DCLK1: variants seen among roughly 807,000 people sequenced by gnomAD.
DCLK1 encodes serine/threonine-protein kinase DCLK1.
Under a neutral mutation model 86.2 loss-of-function variants are expected in DCLK1, and 16 were observed. The observed-to-expected ratio is 0.19, with a 90% confidence interval of 0.13 to 0.28. The LOEUF is 0.28. Ranked by LOEUF, DCLK1 falls within the 10% of genes least tolerant of loss-of-function variation. The probability of loss-of-function intolerance (pLI) is 1.00; values close to 1 mark genes in which losing one functional copy is unlikely to be tolerated. For missense variants in DCLK1, 590 were observed against 940.2 expected, an observed-to-expected ratio of 0.63 and a Z score of 4.87; for synonymous variants, 369 against 370.5, an observed-to-expected ratio of 1.00 and a Z score of 0.05.
intron 3 of DCLK1, 124 bp from the exon 4 acceptor site, chr13:35,947,581 A>T: frequency 1.6e-6 from 1 of 625,008 alleles, no homozygotes; most frequent in Non-Finnish European, 2.6e-6. Context: ...GGCAGCTTCC[A>T]CAGAGGAATT....
intron 2 of DCLK1, among the ~76,000 whole-genome samples, chr13:36,124,586 G>T (rs73165334): frequency 6.6e-6 from 1 of 152,084 alleles, no homozygotes; most frequent in Non-Finnish European, 1.5e-5. Flanking sequence ...GTCAGTGTGC[G>T]GTCAGGGGAG....
intron 16 of DCLK1, among the ~76,000 whole-genome samples, chr13:35,785,035 C>T (rs2153098334): frequency 6.6e-6 from 1 of 152,324 alleles, no homozygotes; most frequent in African/African-American, 2.4e-5. Context: ...GTGCTTGAAT[C>T]CAATATGCAC....
chr13:35,855,786 G>C, intron 5 of DCLK1: 1 of 1,270,726 alleles, frequency 7.9e-7, no homozygotes. Flanking sequence ...CTTGCCAACA[G>C]CAACCCCCAT....
chr13:36,120,881 G>C (rs1012456459), intron 2 of DCLK1, among the ~76,000 whole-genome samples: 2 of 152,172 alleles, frequency 1.3e-5, no homozygotes, highest in African/African-American at 4.8e-5. Context: ...GTTGAGGATA[G>C]AGAAACGGCC....
At chr13:35,962,100 G>A (rs551248936) in intron 3 of DCLK1, among the ~76,000 whole-genome samples, 9 of 152,154 alleles carry the variant, frequency 5.9e-5, no homozygotes, top group South Asian at 2.1e-4. Context: ...ACTCTACAGC[G>A]AACAAAATAG....
At chr13:35,824,026 G>A (rs1809332743) in intron 10 of DCLK1, among the ~76,000 whole-genome samples, 1 of 152,088 alleles carries the variant, frequency 6.6e-6, no homozygotes, top group Non-Finnish European at 1.5e-5. Context: ...CAGGTTTTCA[G>A]GTTGTCTCTG....
intron 3 of DCLK1, among the ~76,000 whole-genome samples, chr13:35,982,102 A>T (rs1879671762): frequency 6.6e-6 from 1 of 152,184 alleles, no homozygotes; most frequent in Non-Finnish European, 1.5e-5. Flanking sequence ...CCTGATGGTT[A>T]TAGAAATGCA....
chr13:35,848,953 C>T (rs1870406180), intron 6 of DCLK1: 1 of 985,308 alleles, frequency 1.0e-6, no homozygotes, highest in African/African-American at 1.7e-5. Flanking sequence ...AGTCTCTGGT[C>T]ATTTCTATTG....
At position 36,112,095 on chromosome 13, in the gene DCLK1, A is replaced by G. The variant is rs753288236; in HGVS notation, c.497T>C (p.Leu166Pro). 11 of 1,614,180 alleles carry G rather than the reference A, an allele frequency of 6.8e-6. No homozygotes were observed. The South Asian group carries it at 9.9e-5, about 14-fold the overall frequency. ...TGAAGGGCTTCCTTTGGCAGTGGCCAGTGAAGACACTGCCCGAGAAGCCGA... is the reference window on the plus strand; with the variant it reads ...TGAAGGGCTTCCTTTGGCAGTGGCCGGTGAAGACACTGCCCGAGAAGCCGA... ...TTSASRAVSS[L>P]ATAKGSPSEV... Residue 166 changes from leucine (L) to proline (P), a missense_variant, in exon 3 of 17, where the codon CTG becomes CCG. By Grantham distance (98) the Leu-to-Pro change is moderately conservative (BLOSUM62 -3). Coordinates refer to ENST00000360631, the MANE Select transcript of DCLK1 (RefSeq NM_001330071.2).
intron 3 of DCLK1, among the ~76,000 whole-genome samples, chr13:36,050,632 T>C (rs888094474): frequency 6.6e-6 from 1 of 152,196 alleles, no homozygotes; most frequent in East Asian, 1.9e-4. Flanking sequence ...ATTCGTTTTT[T>C]AAATGTGCTT....
intron 3 of DCLK1, among the ~76,000 whole-genome samples, chr13:35,955,714 G>A (rs1318321297): frequency 6.6e-6 from 1 of 152,092 alleles, no homozygotes; most frequent in Non-Finnish European, 1.5e-5. Context: ...TATGTAAAAT[G>A]GACCTACCAA....
chr13:36,023,442 T>C (rs901884912), intron 3 of DCLK1, among the ~76,000 whole-genome samples: 1 of 152,144 alleles, frequency 6.6e-6, no homozygotes, highest in Non-Finnish European at 1.5e-5. Context: ...AGGCAGTCTG[T>C]TGGAGACCCT....
chr13:35,821,469 A>G (rs2087392206), intron 11 of DCLK1, among the ~76,000 whole-genome samples: 1 of 152,170 alleles, frequency 6.6e-6, no homozygotes. Flanking sequence ...TGCATTTTTA[A>G]CAGGCATCTG....
intron 16 of DCLK1, among the ~76,000 whole-genome samples, chr13:35,780,022 C>T (rs1375841269): frequency 6.6e-6 from 1 of 151,726 alleles, no homozygotes; most frequent in East Asian, 1.9e-4. Flanking sequence ...ATTTGTTCCT[C>T]TGAAATCCTG....
At chr13:35,876,803 A>G (rs1399076820) in intron 4 of DCLK1, among the ~76,000 whole-genome samples, 3 of 152,182 alleles carry the variant, frequency 2.0e-5, no homozygotes, top group Non-Finnish European at 4.4e-5. Flanking sequence ...TGGCACCCCT[A>G]TATTTCACTG....
At chr13:36,082,262 T>C (rs907590201) in intron 3 of DCLK1, among the ~76,000 whole-genome samples, 13 of 152,142 alleles carry the variant, frequency 8.5e-5, no homozygotes, top group Admixed American at 4.6e-4. Context: ...TAAAGACCTT[T>C]ATGGTGATCC....
intron 4 of DCLK1, among the ~76,000 whole-genome samples, chr13:35,921,491 C>T (rs939260114): frequency 1.1e-4 from 17 of 152,158 alleles, no homozygotes; most frequent in Non-Finnish European, 1.5e-5. Context: ...AAACCCAAAC[C>T]TTAGATCCAC....
At chr13:35,914,526 G>A (rs1875290846) in intron 4 of DCLK1, among the ~76,000 whole-genome samples, 1 of 150,900 alleles carries the variant, frequency 6.6e-6, no homozygotes. Flanking sequence ...AGACAAGCCT[G>A]GGCAAAATGG....
intron 5 of DCLK1, chr13:35,855,496 T>C (rs888135711): frequency 2.1e-5 from 34 of 1,602,350 alleles, no homozygotes; most frequent in African/African-American, 6.7e-5. Context: ...AGAGCAGCAA[T>C]GCATTTCACT....
Sources: allele counts gnomAD v4.1 joint callset (sites outside exome capture counted in the v4.1 genomes callset), GRCh38; gene constraint gnomAD v4.1.1; transcripts MANE v1.5; gene names NCBI Gene and HGNC (gene_info 2026-07-23, HGNC 2026-07-21).